The following FBN1 variants were observed in gnomAD, a reference collection of about 807,000 sequenced individuals.
FBN1 encodes fibrillin-1.
A neutral mutation model predicts 365.1 loss-of-function variants in FBN1; 29 were observed. That is an observed-to-expected ratio of 0.08 (90% CI 0.06 to 0.11). FBN1 has a LOEUF of 0.11. Ranked by LOEUF, FBN1 falls within the 10% of genes least tolerant of loss-of-function variation. The pLI, the probability that FBN1 is intolerant of heterozygous loss-of-function variation, is 1.00. For synonymous variants in FBN1, 1,210 were observed against 1,270.5 expected, an observed-to-expected ratio of 0.95 and a Z score of 1.01; for missense variants, 2,476 against 3,703.2, an observed-to-expected ratio of 0.67 and a Z score of 8.60.
At chr15:48,577,705 A>G (rs1055455803) in intron 6 of FBN1, among the ~76,000 whole-genome samples, 1 of 152,176 alleles carries the variant, frequency 6.6e-6, no homozygotes, top group Non-Finnish European at 1.5e-5. Context: ...TCTTTAGTCA[A>G]TGGCTTGTGA....
Position 48,644,599 on chromosome 15 carries a change from C to A in FBN1, c.164+7G>T. Reference sequence around the variant, plus strand: ...CCCACACCAAAGGAGGGAACCGGTTCCTTTACCCTTTAAGCGCGTCGTGTC... The same window carrying A: ...CCCACACCAAAGGAGGGAACCGGTTACTTTACCCTTTAAGCGCGTCGTGTC... On this transcript the variant is annotated splice_region_variant and intron_variant, in intron 2 of 65. Coordinates refer to ENST00000316623, the MANE Select transcript of FBN1 (RefSeq NM_000138.5). 1 of 1,614,134 alleles carries A rather than the reference C, an allele frequency of 6.2e-7. No homozygotes were observed. Among genetic ancestry groups the A allele is most frequent in the Non-Finnish European group, 8.5e-7 (1 of 1,180,014 alleles).
rs150652013 is a variant in FBN1 at position 48,491,440 on chromosome 15, T to A, written c.2854+1021A>T. Among the ~76,000 whole-genome samples the A allele has an allele frequency of 5.3e-3, 799 of 151,970 alleles. 7 individuals are homozygous for A. Among genetic ancestry groups the A allele is most frequent in the African/African-American group, 0.018 (758 of 41,486 alleles). Reference sequence around the variant, plus strand: ...ATCTCGGCTCACTGCAAGCTCCAACTCCCGGGTTCATGCCATTCTCCTGCC... The same window carrying A: ...ATCTCGGCTCACTGCAAGCTCCAACACCCGGGTTCATGCCATTCTCCTGCC... On this transcript the variant is annotated intron_variant, in intron 24 of 65. Coordinates refer to ENST00000316623, the MANE Select transcript of FBN1 (RefSeq NM_000138.5).
chr15:48,607,548 A>G (rs585256), intron 4 of FBN1, among the ~76,000 whole-genome samples: 31,980 of 150,042 alleles, frequency 0.21, 3,565 homozygotes, highest in Middle Eastern at 0.25. Context: ...GGCCTGGGAG[A>G]CCTGTTTGTC....
At chr15:48,589,767 C>T (rs1447741977) in intron 6 of FBN1, among the ~76,000 whole-genome samples, 2 of 151,996 alleles carry the variant, frequency 1.3e-5, no homozygotes, top group Admixed American at 6.6e-5. Context: ...GTGCCCACCA[C>T]CACGCCCGGC....
At chr15:48,580,400 G>A (rs572113534) in intron 6 of FBN1, among the ~76,000 whole-genome samples, 2 of 152,222 alleles carry the variant, frequency 1.3e-5, no homozygotes, top group African/African-American at 4.8e-5. Context: ...GAAACTCTAC[G>A]TTATATCCCT....
At chr15:48,557,304 T>A (rs1401849104) in intron 6 of FBN1, among the ~76,000 whole-genome samples, 1 of 152,150 alleles carries the variant, frequency 6.6e-6, no homozygotes, top group Admixed American at 6.5e-5. Context: ...ACACAGCCAC[T>A]GAAAAGCAAA....
At chr15:48,470,905 G>T (rs2043369057) in intron 35 of FBN1, 149 bp from the exon 36 acceptor site, 2 of 909,590 alleles carry the variant, frequency 2.2e-6, no homozygotes, top group African/African-American at 1.7e-5. Context: ...ACTTTTAGAT[G>T]ATTTGCCATG....
At chr15:48,588,633 C>T (rs561104537) in intron 6 of FBN1, among the ~76,000 whole-genome samples, 1 of 152,204 alleles carries the variant, frequency 6.6e-6, no homozygotes, top group African/African-American at 2.4e-5. Context: ...ACCAAGGGAA[C>T]AGATGCCACA....
intron 15 of FBN1, among the ~76,000 whole-genome samples, chr15:48,505,849 G>T (rs2043703699): frequency 6.6e-6 from 1 of 152,196 alleles, no homozygotes; most frequent in Middle Eastern, 3.2e-3. Flanking sequence ...AATAATAGCA[G>T]AGGGTTTTTT....
chr15:48,452,036 C>T (rs1303181198), intron 45 of FBN1, among the ~76,000 whole-genome samples: 1 of 152,232 alleles, frequency 6.6e-6, no homozygotes, highest in African/African-American at 2.4e-5. Context: ...GTGAGTGACC[C>T]TTTCCCTGTA....
intron 2 of FBN1, among the ~76,000 whole-genome samples, chr15:48,634,857 CCACA>C (rs57811526): frequency 0.19 from 13,421 of 68,908 alleles, 1,208 homozygotes; most frequent in Non-Finnish European, 0.23. Context: ...AAAAAAAAAA[CCACA>C]CACACACACA....
intron 18 of FBN1, among the ~76,000 whole-genome samples, chr15:48,498,246 T>C (rs961730351): frequency 6.6e-6 from 1 of 152,146 alleles, no homozygotes; most frequent in Non-Finnish European, 1.5e-5. Context: ...CGTTATAAGT[T>C]TCCTTACCTC....
intron 6 of FBN1, among the ~76,000 whole-genome samples, chr15:48,569,210 C>T (rs2044285737): frequency 6.6e-6 from 1 of 151,860 alleles, no homozygotes; most frequent in South Asian, 2.1e-4. Context: ...CATGAATAGG[C>T]ACATGAAAAG....
chr15:48,541,599 G>A (rs940848506), intron 6 of FBN1, among the ~76,000 whole-genome samples: 5 of 152,116 alleles, frequency 3.3e-5, no homozygotes, highest in African/African-American at 1.2e-4. Context: ...CCAAGGTTAT[G>A]CTGTTTTTAG....
chr15:48,520,537 C>T, intron 10 of FBN1, 122 bp downstream of exon 10: 2 of 1,165,046 alleles, frequency 1.7e-6, no homozygotes, highest in Non-Finnish European at 2.4e-6. Context: ...GACGTCATCT[C>T]TTATATTTCC....
At chr15:48,617,522 G>A (rs1889681357) in intron 2 of FBN1, among the ~76,000 whole-genome samples, 2 of 152,136 alleles carry the variant, frequency 1.3e-5, no homozygotes, top group South Asian at 2.1e-4. Context: ...GGGAAAGAGG[G>A]AAAATACATT....
chr15:48,411,988 C>T (rs931235529), intron 65 of FBN1, among the ~76,000 whole-genome samples: 23 of 152,342 alleles, frequency 1.5e-4, no homozygotes, highest in African/African-American at 5.1e-4. Context: ...TGCTTTTCAC[C>T]TGGCTTCTTA....
rs16961125 is a variant in FBN1, at chr15:48,548,847, T to C, written c.539-11039A>G. 0.017 allele frequency among the ~76,000 whole-genome samples: 2,548 copies of C among 152,326 alleles called. 210 individuals carry two copies. In the East Asian group the frequency reaches 0.24, roughly 14 times the overall value. ...CTCTCTGGATGTATTAACAGGTCTA[T>C]GTTTTATTCCCTTGGATATTTATGA... On this transcript the variant is annotated intron_variant, in intron 6 of 65. Transcript: ENST00000316623.
chr15:48,495,304 T>G, intron 21 of FBN1, 44 bp from the exon 22 acceptor site: 1 of 1,607,942 alleles, frequency 6.2e-7, no homozygotes, highest in Non-Finnish European at 8.5e-7. Flanking sequence ...ATATAAAAAT[T>G]CAAACATACA....
Sources: gnomAD v4.1 joint callset for allele counts (sites outside exome capture counted in the v4.1 genomes callset) on GRCh38, gnomAD v4.1.1 for gene constraint, MANE v1.5 for transcripts, NCBI Gene and HGNC (gene_info 2026-07-23, HGNC 2026-07-21) for gene names.